TOMM34: variants seen among roughly 807,000 people sequenced by gnomAD.
The protein encoded by TOMM34 is mitochondrial import receptor subunit TOM34.
TOMM34 carries 24 observed loss-of-function variants against 37.4 expected under a neutral mutation model. The ratio of observed to expected loss-of-function variants is 0.64; its 90% confidence interval spans 0.46 to 0.90. TOMM34 has a LOEUF of 0.90. Ranked by LOEUF, TOMM34 falls within the 40% of genes least tolerant of loss-of-function variation. The pLI is 0.00. For synonymous variants in TOMM34, 154 were observed against 148.9 expected (o/e 1.03, Z -0.25); for missense variants, 304 against 375.6 (o/e 0.81, Z 1.58).
chr20:44,947,151 T>C (rs569816482), intron 5 of TOMM34, among the ~76,000 whole-genome samples: 3 of 152,312 alleles, frequency 2.0e-5, no homozygotes, highest in Admixed American at 1.3e-4. Flanking sequence ...ATAGAGGAGT[T>C]AGAAGATGCC....
chr20:44,960,137 C>A, intron 1 of TOMM34, 70 bp downstream of exon 1: 1 of 1,491,054 alleles, frequency 6.7e-7, no homozygotes. Flanking sequence ...GGCCGCCGCG[C>A]GAGGCCCGGG....
intron 1 of TOMM34, 32 bp from the exon 2 acceptor site, chr20:44,956,517 T>G: frequency 6.2e-7 from 1 of 1,610,274 alleles, no homozygotes; most frequent in Non-Finnish European, 8.5e-7. Context: ...GATGATCAGT[T>G]TGGAAAATGG....
chr20:44,959,576 A>G (rs1258339390), intron 1 of TOMM34, among the ~76,000 whole-genome samples: 2 of 151,994 alleles, frequency 1.3e-5, no homozygotes, highest in African/African-American at 4.8e-5. Context: ...CTGGCTCACT[A>G]TGCTTTGACC....
intron 1 of TOMM34, chr20:44,959,873 A>T (rs1368474416): frequency 1.0e-6 from 1 of 968,762 alleles, no homozygotes; most frequent in African/African-American, 1.8e-5. Flanking sequence ...TGTCCTTGAG[A>T]GAAGGGACTT....
rs1417375778 is a variant in TOMM34 at position 44,960,198 on chromosome 20, G to A, written c.127+9C>T. The A allele has an allele frequency of 1.9e-6, 3 of 1,556,210 alleles. No individual in the cohort carries two copies. In the African/African-American group the frequency reaches 4.1e-5, roughly 22 times the overall value. On this transcript the variant is annotated intron_variant, in intron 1 of 6. Transcript: ENST00000372813. The stretch of plus-strand genomic sequence containing the variant: ...AGGCCCGGAGGTGAGATGGGGGCCG[G>A]GGTCGTACCTTGCGCCTGCAGCACC...
chr20:44,948,155 C>T (rs1038242801), intron 5 of TOMM34, among the ~76,000 whole-genome samples: 5 of 152,192 alleles, frequency 3.3e-5, no homozygotes, highest in Admixed American at 3.3e-4. Context: ...AGAACAATCA[C>T]TCCTACACAG....
intron 3 of TOMM34, among the ~76,000 whole-genome samples, chr20:44,954,067 T>C (rs1265068224): frequency 6.6e-6 from 1 of 152,216 alleles, no homozygotes; most frequent in African/African-American, 2.4e-5. Context: ...TGCTCACCTT[T>C]GCACACGCTG....
At chr20:44,957,529 C>A (rs1036312186) in intron 1 of TOMM34, among the ~76,000 whole-genome samples, 1 of 152,032 alleles carries the variant, frequency 6.6e-6, no homozygotes, top group Non-Finnish European at 1.5e-5. Context: ...CCACTAGTGT[C>A]GGCCATTATT....
chr20:44,943,975 A>G (rs1186155064), intron 5 of TOMM34, among the ~76,000 whole-genome samples: 10 of 142,926 alleles, frequency 7.0e-5, no homozygotes, highest in East Asian at 5.8e-4. Flanking sequence ...TTTAAGGGGG[A>G]AAAAAAAACC....
In TOMM34 at chr20:44,960,307, C is replaced by T; in HGVS notation, c.27G>A (p.Val9=). 1 of 1,584,988 alleles carries T rather than the reference C, an allele frequency of 6.3e-7. No homozygotes were observed. The highest frequency in any genetic ancestry group is 1.2e-5 in the South Asian group (1 of 86,834). The change falls in exon 1 of 7, where the codon GTG becomes GTA. Residue 9 remains valine (V), a synonymous_variant. Coordinates refer to ENST00000372813, the MANE Select transcript of TOMM34 (RefSeq NM_006809.5). MAPKFPDS[V]EELRAAGNES... ...CATTGCCGGCGGCGCGGAGCTCCTC[C>T]ACAGAGTCTGGGAATTTGGGGGCCA...
intron 1 of TOMM34, chr20:44,958,331 TG>T (rs1052613392): frequency 2.1e-6 from 1 of 471,100 alleles, no homozygotes; most frequent in African/African-American, 2.0e-5. Flanking sequence ...CCTCTTGTTT[TG>T]CCAGGCCCAG....
At chr20:44,959,954 G>T in intron 1 of TOMM34, 2 of 985,420 alleles carry the variant, frequency 2.0e-6, no homozygotes, top group Non-Finnish European at 2.4e-6. Flanking sequence ...GAATTGCTGC[G>T]GGGGAGGAGG....
Position 44,955,229 on chromosome 20 carries a change from G to A in TOMM34, c.228-9C>T. 1.2e-6 allele frequency: 2 copies of A among 1,611,086 alleles called. No homozygotes were observed. The highest frequency in any genetic ancestry group is 1.7e-5 in the Admixed American group (1 of 59,188). ...GAACCAAGGCCAGTGCTCTAGAATAGGAGGCAAAAATGTCAACTGGCTGGC... is the reference window on the plus strand; with the variant it reads ...GAACCAAGGCCAGTGCTCTAGAATAAGAGGCAAAAATGTCAACTGGCTGGC... On this transcript the variant is annotated splice_polypyrimidine_tract_variant and intron_variant, in intron 2 of 6. Transcript: ENST00000372813.
At position 44,951,801 on chromosome 20, in the gene TOMM34, T is replaced by A. The variant is rs2234204; in HGVS notation, c.550+32A>T. The A allele has an allele frequency of 8.0e-3, 12,739 of 1,596,062 alleles. 714 individuals are homozygous for A. The African/African-American group carries it at 0.13, about 17-fold the overall frequency. On this transcript the variant is annotated intron_variant, in intron 4 of 6. Coordinates refer to ENST00000372813, the MANE Select transcript of TOMM34 (RefSeq NM_006809.5). ...CTAAAGAAAATGGATAGTGGGAGAT[T>A]GCAAGACTCTGGGCAGGGAGTCACA...
intron 6 of TOMM34, 53 bp from the exon 7 acceptor site, chr20:44,943,266 G>T: frequency 6.2e-7 from 1 of 1,604,462 alleles, no homozygotes; most frequent in Non-Finnish European, 8.5e-7. Context: ...CTGGGGTGGG[G>T]ATAGCTGCTG....
At chr20:44,955,293 C>G in intron 2 of TOMM34, 73 bp from the exon 3 acceptor site, 2 of 1,569,486 alleles carry the variant, frequency 1.3e-6, no homozygotes, top group Non-Finnish European at 1.7e-6. Flanking sequence ...TTCTTCCAGG[C>G]AGGGTTATCT....
At chr20:44,952,452 C>T (rs80173808) in intron 3 of TOMM34, among the ~76,000 whole-genome samples, 1 of 152,166 alleles carries the variant, frequency 6.6e-6, no homozygotes, top group Admixed American at 6.5e-5. Flanking sequence ...GTTCCCAATT[C>T]CCTAGGCTAA....
chr20:44,959,752 A>G (rs2067108995), intron 1 of TOMM34, among the ~76,000 whole-genome samples: 1 of 152,102 alleles, frequency 6.6e-6, no homozygotes, highest in Admixed American at 6.6e-5. Flanking sequence ...AGTCAACTCT[A>G]TCACATCACC....
intron 2 of TOMM34, 96 bp from the exon 3 acceptor site, chr20:44,955,316 G>A (rs960518972): frequency 1.3e-5 from 19 of 1,472,386 alleles, no homozygotes; most frequent in East Asian, 1.1e-4. Flanking sequence ...AGCACTCAGC[G>A]TACAGGAAGT....
Sources: gnomAD v4.1 joint callset for allele counts (sites outside exome capture counted in the v4.1 genomes callset) on GRCh38, gnomAD v4.1.1 for gene constraint, MANE v1.5 for transcripts, NCBI Gene and HGNC (gene_info 2026-07-23, HGNC 2026-07-21) for gene names.